Variants in TRPC4 observed in about 807,000 individuals in gnomAD.
The protein encoded by TRPC4 is transient receptor potential cation channel subfamily C member 4, also known as short transient receptor potential channel 4.
Under a neutral mutation model 99.4 loss-of-function variants are expected in TRPC4, and 49 were observed. That is an observed-to-expected ratio of 0.49 (90% CI 0.39 to 0.63). The LOEUF is 0.63. TRPC4 is among the 20% of genes least tolerant of loss of function. TRPC4 has a pLI of 0.00. For synonymous variants in TRPC4, 454 were observed against 425.9 expected (o/e 1.07, Z -0.81); for missense variants, 898 against 1,152.9 (o/e 0.78, Z 3.20).
intron 3 of TRPC4, among the ~76,000 whole-genome samples, chr13:37,739,184 T>A (rs1955502979): frequency 6.6e-6 from 1 of 152,074 alleles, no homozygotes; most frequent in South Asian, 2.1e-4. Context: ...GGGTATAATA[T>A]AAGGGAAGGT....
intron 2 of TRPC4, among the ~76,000 whole-genome samples, chr13:37,763,695 T>C (rs1346815712): frequency 2.6e-5 from 4 of 151,704 alleles, no homozygotes; most frequent in Non-Finnish European, 5.9e-5. Flanking sequence ...TATTACAAAA[T>C]GAGTGAGGCA....
intron 3 of TRPC4, among the ~76,000 whole-genome samples, chr13:37,712,234 A>C: frequency 6.6e-6 from 1 of 152,186 alleles, no homozygotes; most frequent in East Asian, 1.9e-4. Context: ...ACAAGTGGGC[A>C]GTCAACTGAT....
In TRPC4 at chr13:37,637,503, A is replaced by G. The variant is rs1046643529; in HGVS notation, c.2334T>C (p.Asp778=). Residue 778 remains aspartate (D), a synonymous_variant, in exon 11 of 11, where the codon GAT becomes GAC. Transcript: ENST00000379705. ...SKESSNSADS[D]EKSDSEGNSK... ...TATTACCTTCGCTATCACTCTTTTC[A>G]TCTGAGTCTGCCGAATTTGAAGACT... 3 of 1,613,706 alleles carry G rather than the reference A, an allele frequency of 1.9e-6. No individual in the cohort carries two copies. Among genetic ancestry groups the G allele is most frequent in the Non-Finnish European group, 1.7e-6 (2 of 1,179,766 alleles).
chr13:37,747,974 C>G (rs1329732508), intron 2 of TRPC4, among the ~76,000 whole-genome samples: 1 of 152,086 alleles, frequency 6.6e-6, no homozygotes. Flanking sequence ...ACCAAGATGG[C>G]TCTTAAGTGA....
At chr13:37,789,590 G>T (rs1957059238) in intron 1 of TRPC4, among the ~76,000 whole-genome samples, 1 of 151,976 alleles carries the variant, frequency 6.6e-6, no homozygotes, top group Non-Finnish European at 1.5e-5. Context: ...AAATAAATAG[G>T]GTCAAATTGT....
chr13:37,725,583 A>G (rs1332474552), intron 3 of TRPC4, among the ~76,000 whole-genome samples: 1 of 152,188 alleles, frequency 6.6e-6, no homozygotes, highest in Non-Finnish European at 1.5e-5. Flanking sequence ...GTAAGCTGAT[A>G]TAGTTAATGT....
At chr13:37,746,821 A>C (rs1566140300) in intron 2 of TRPC4, among the ~76,000 whole-genome samples, 1 of 152,136 alleles carries the variant, frequency 6.6e-6, no homozygotes, top group Non-Finnish European at 1.5e-5. Context: ...GGTCCAAAAT[A>C]ATCAAGAAAT....
intron 3 of TRPC4, among the ~76,000 whole-genome samples, chr13:37,719,257 A>T (rs546416356): frequency 6.6e-6 from 1 of 152,252 alleles, no homozygotes; most frequent in South Asian, 2.1e-4. Context: ...CTGAGGTGGG[A>T]GAATCACCTG....
At chr13:37,810,323 C>T (rs1377281792) in intron 1 of TRPC4, among the ~76,000 whole-genome samples, 1 of 151,874 alleles carries the variant, frequency 6.6e-6, no homozygotes, top group Non-Finnish European at 1.5e-5. Flanking sequence ...TTTAATAATC[C>T]TTTTCTATAA....
At chr13:37,673,062 A>T (rs2138754331) in intron 5 of TRPC4, among the ~76,000 whole-genome samples, 1 of 151,080 alleles carries the variant, frequency 6.6e-6, no homozygotes, top group South Asian at 2.1e-4. Context: ...CATCATTTAC[A>T]TGAGGTATAT....
chr13:37,737,240 A>AATG (rs1428977495), intron 3 of TRPC4, among the ~76,000 whole-genome samples: 1 of 151,146 alleles, frequency 6.6e-6, no homozygotes, highest in Non-Finnish European at 1.5e-5. Context: ...TAATAATAAT[A>AATG]ATAATAATAA....
chr13:37,785,277 C>T (rs1002147390), intron 1 of TRPC4, among the ~76,000 whole-genome samples: 2 of 152,052 alleles, frequency 1.3e-5, no homozygotes, highest in African/African-American at 4.8e-5. Flanking sequence ...GGTTGACACT[C>T]CCTTCCTTGG....
chr13:37,694,927 C>T (rs1207723956), intron 3 of TRPC4, among the ~76,000 whole-genome samples: 1 of 152,150 alleles, frequency 6.6e-6, no homozygotes, highest in Non-Finnish European at 1.5e-5. Context: ...AATTTCATGT[C>T]TCCTTTCGAC....
intron 1 of TRPC4, among the ~76,000 whole-genome samples, chr13:37,818,033 A>C (rs942504616): frequency 6.6e-6 from 1 of 152,070 alleles, no homozygotes; most frequent in Non-Finnish European, 1.5e-5. Context: ...AAAATGGACA[A>C]ATGGGACCTA....
chr13:37,712,243 A>G (rs916113395), intron 3 of TRPC4, among the ~76,000 whole-genome samples: 2 of 152,142 alleles, frequency 1.3e-5, no homozygotes, highest in Non-Finnish European at 2.9e-5. Context: ...CAGTCAACTG[A>G]TGATCCCCAC....
intron 3 of TRPC4, among the ~76,000 whole-genome samples, chr13:37,707,862 C>T (rs553589428): frequency 7.0e-4 from 107 of 152,216 alleles, no homozygotes; most frequent in Non-Finnish European, 1.9e-4. Context: ...CTTACTCTTT[C>T]ATTTTCACTT....
intron 6 of TRPC4, among the ~76,000 whole-genome samples, chr13:37,660,472 A>G (rs954564883): frequency 6.6e-6 from 1 of 152,186 alleles, no homozygotes; most frequent in Non-Finnish European, 1.5e-5. Context: ...AGAAAATAAG[A>G]TATCTTGTAT....
At chr13:37,668,959 T>C (rs555242251) in intron 5 of TRPC4, among the ~76,000 whole-genome samples, 7 of 152,254 alleles carry the variant, frequency 4.6e-5, no homozygotes, top group African/African-American at 1.7e-4. Context: ...TCTTTATAGC[T>C]TTCTGCCATA....
At chr13:37,657,286 T>G (rs965771951) in intron 6 of TRPC4, among the ~76,000 whole-genome samples, 1 of 152,190 alleles carries the variant, frequency 6.6e-6, no homozygotes, top group Non-Finnish European at 1.5e-5. Context: ...GATCACATAT[T>G]CTTAGAGGAA....
Sources: gnomAD v4.1 joint callset for allele counts (sites outside exome capture counted in the v4.1 genomes callset) on GRCh38, gnomAD v4.1.1 for gene constraint, MANE v1.5 for transcripts, NCBI Gene and HGNC (gene_info 2026-07-23, HGNC 2026-07-21) for gene names.